The following HDAC9 variants were observed in gnomAD, a reference collection of about 807,000 sequenced individuals.
HDAC9 encodes histone deacetylase 9.
In HDAC9, 41 loss-of-function variants were observed where a neutral mutation model predicts 139.4. The ratio of observed to expected loss-of-function variants is 0.29; its 90% CI spans 0.23 to 0.38. The LOEUF (loss-of-function observed/expected upper bound fraction) is 0.38, where lower values mean the gene tolerates loss of function less well. Among genes scored for constraint, HDAC9 ranks in the 10% least tolerant of loss-of-function variants. HDAC9 has a pLI of 1.00. For synonymous variants in HDAC9, 517 were observed against 476.2 expected (o/e 1.09, Z -1.12); for missense variants, 1,147 against 1,297.0 (o/e 0.88, Z 1.78).
At chr7:18,224,899 G>A (rs867150977) in intron 2 of HDAC9, among the ~76,000 whole-genome samples, 1 of 152,202 alleles carries the variant, frequency 6.6e-6, no homozygotes, top group Middle Eastern at 3.4e-3. Flanking sequence ...CCCAAAAAAA[G>A]CTGCAGAGGA....
At chr7:18,721,524 T>G (rs1451468092) in intron 12 of HDAC9, among the ~76,000 whole-genome samples, 1 of 152,192 alleles carries the variant, frequency 6.6e-6, no homozygotes, top group Non-Finnish European at 1.5e-5. Context: ...CTCCAAGTAG[T>G]CTATGAGTGT....
rs1037881099 is a variant in HDAC9 at position 18,604,173 on chromosome 7, T to A, written c.664+10144T>A. Among the ~76,000 whole-genome samples the A allele has an allele frequency of 3.3e-5, 5 of 152,286 alleles. No homozygotes were observed. The East Asian group carries it at 9.6e-4, about 29-fold the overall frequency. On this transcript the variant is annotated intron_variant, in intron 6 of 25. Transcript: ENST00000686413. The stretch of plus-strand genomic sequence containing the variant: ...ATTGGTGTCTGTCATTAATTTTGGA[T>A]AATTCCCAGCCATTATTATGTCAAA...
intron 25 of HDAC9, among the ~76,000 whole-genome samples, chr7:18,985,769 G>T (rs1433230228): frequency 3.5e-5 from 5 of 141,374 alleles, no homozygotes; most frequent in African/African-American, 8.9e-5. Flanking sequence ...ATTCTAACTG[G>T]TGTGAGATGG....
intron 24 of HDAC9, among the ~76,000 whole-genome samples, chr7:18,970,810 T>TAA (rs142691189): frequency 0.45 from 67,465 of 150,962 alleles, 15,328 homozygotes; most frequent in East Asian, 0.57. Flanking sequence ...GGAAAAAAGG[T>TAA]AAAAAAAAGC....
At chr7:18,706,233 T>G (rs1021516448) in intron 12 of HDAC9, among the ~76,000 whole-genome samples, 4 of 139,006 alleles carry the variant, frequency 2.9e-5, no homozygotes, top group Admixed American at 7.7e-5. Context: ...AACCTAAACA[T>G]TTCATTTGCG....
At chr7:18,698,725 T>A (rs1183488647) in intron 12 of HDAC9, among the ~76,000 whole-genome samples, 1 of 152,236 alleles carries the variant, frequency 6.6e-6, no homozygotes, top group African/African-American at 2.4e-5. Context: ...TGGAAGTGAC[T>A]TTTCCCAGAA....
At chr7:18,770,905 G>A (rs1281939151) in intron 16 of HDAC9, among the ~76,000 whole-genome samples, 1 of 152,162 alleles carries the variant, frequency 6.6e-6, no homozygotes, top group African/African-American at 2.4e-5. Context: ...AACAGGATAT[G>A]ATTTTATATA....
chr7:18,134,991 GT>G (rs1785287171), intron 1 of HDAC9, among the ~76,000 whole-genome samples: 1 of 151,978 alleles, frequency 6.6e-6, no homozygotes, highest in South Asian at 2.1e-4. Context: ...CTTATATATG[GT>G]TTGTATCTAA....
At chr7:18,547,534 C>T (rs192777233) in intron 2 of HDAC9, among the ~76,000 whole-genome samples, 40 of 152,294 alleles carry the variant, frequency 2.6e-4, no homozygotes, top group African/African-American at 8.9e-4. Context: ...CATGCCCGGC[C>T]GACTGTGGCA....
intron 3 of HDAC9, among the ~76,000 whole-genome samples, chr7:18,589,187 T>C (rs1370162594): frequency 6.6e-6 from 1 of 152,054 alleles, no homozygotes; most frequent in Non-Finnish European, 1.5e-5. Flanking sequence ...AGATATATAT[T>C]TCTCAGTCTG....
At chr7:18,594,456 C>A (rs1273325919) in intron 6 of HDAC9, among the ~76,000 whole-genome samples, 1 of 151,840 alleles carries the variant, frequency 6.6e-6, no homozygotes, top group East Asian at 1.9e-4. Flanking sequence ...ATTTTACAAA[C>A]CTTAAATTTT....
At position 18,450,499 on chromosome 7, in the gene HDAC9, C is replaced by T. The variant is rs532345152; in HGVS notation, c.-41-45763C>T. Among the ~76,000 whole-genome samples, 19 of 152,310 alleles carry T rather than the reference C, an allele frequency of 1.2e-4. No individual in the cohort carries two copies. In the South Asian group the frequency reaches 3.7e-3, roughly 30 times the overall value. On this transcript the variant is annotated intron_variant, in intron 1 of 3. Transcript: ENST00000413509. ...GTAAACTTATTTTTAGTCTCCGCCC[C>T]TTTCCCAGTTCTGGTTACAGGGCAG... is the stretch of plus-strand genomic sequence containing the variant.
intron 1 of HDAC9, among the ~76,000 whole-genome samples, chr7:18,138,532 G>A: frequency 1.1e-5 from 1 of 90,852 alleles, no homozygotes; most frequent in Admixed American, 1.0e-4. Context: ...AGAGAGGTGT[G>A]TGTGTGTGTG....
At chr7:18,325,087 T>C (rs1800332613) in intron 1 of HDAC9, among the ~76,000 whole-genome samples, 1 of 152,056 alleles carries the variant, frequency 6.6e-6, no homozygotes, top group South Asian at 2.1e-4. Context: ...CAAGTACGAG[T>C]TGAATCCGTT....
chr7:18,866,074 C>T (rs560342866), intron 21 of HDAC9, among the ~76,000 whole-genome samples: 1 of 147,860 alleles, frequency 6.8e-6, no homozygotes, highest in Non-Finnish European at 1.5e-5. Context: ...AATCCAGTGT[C>T]CTCACAGTGG....
At chr7:18,919,384 A>G (rs1388470625) in intron 22 of HDAC9, among the ~76,000 whole-genome samples, 2 of 152,030 alleles carry the variant, frequency 1.3e-5, no homozygotes, top group Non-Finnish European at 2.9e-5. Flanking sequence ...GCCAGGACAC[A>G]AGTCCACTTA....
chr7:18,958,628 G>GT (rs1484421799), intron 24 of HDAC9, among the ~76,000 whole-genome samples: 3 of 152,196 alleles, frequency 2.0e-5, no homozygotes, highest in African/African-American at 7.2e-5. Flanking sequence ...TTTAATTGCC[G>GT]TATCTTTTGC....
At chr7:18,711,223 C>T (rs919524566) in intron 12 of HDAC9, among the ~76,000 whole-genome samples, 2 of 152,148 alleles carry the variant, frequency 1.3e-5, no homozygotes, top group African/African-American at 4.8e-5. Context: ...GTCATTGCTC[C>T]TCATTGCCCC....
At chr7:18,935,700 C>G in intron 22 of HDAC9, 109 bp from the exon 23 acceptor site, 5 of 957,208 alleles carry the variant, frequency 5.2e-6, no homozygotes, top group Non-Finnish European at 8.1e-6. Flanking sequence ...AGTTAGCACA[C>G]AGAAAATGCT....
Sources: gnomAD v4.1 joint callset for allele counts (sites outside exome capture counted in the v4.1 genomes callset) on GRCh38, gnomAD v4.1.1 for gene constraint, MANE v1.5 for transcripts, NCBI Gene and HGNC (gene_info 2026-07-23, HGNC 2026-07-21) for gene names.